The following NAA60 variants were observed in gnomAD, a reference collection of about 807,000 sequenced individuals.
NAA60 encodes the protein N-alpha-acetyltransferase 60, NatF catalytic subunit.
NAA60 carries 8 observed loss-of-function variants against 26.1 expected under a neutral mutation model. That is an observed-to-expected ratio of 0.31 (90% confidence interval 0.18 to 0.55). NAA60 has a LOEUF of 0.55. NAA60 is among the 20% of genes least tolerant of loss of function. The probability of loss-of-function intolerance (pLI) is 0.93; values close to 1 mark genes in which losing one functional copy is unlikely to be tolerated. For missense variants in NAA60, 290 were observed against 311.3 expected, an observed-to-expected ratio of 0.93 and a Z score of 0.51; for synonymous variants, 131 against 122.5, an observed-to-expected ratio of 1.07 and a Z score of -0.46.
chr16:3,453,862 C>A (rs2034878039), intron 2 of NAA60, among the ~76,000 whole-genome samples: 1 of 152,122 alleles, frequency 6.6e-6, no homozygotes, highest in African/African-American at 2.4e-5. Context: ...TCCCTGCTCT[C>A]CTCCCACCCC....
chr16:3,458,629 T>C (rs1046635237), intron 2 of NAA60, among the ~76,000 whole-genome samples: 1 of 152,152 alleles, frequency 6.6e-6, no homozygotes, highest in African/African-American at 2.4e-5. Flanking sequence ...AGGGCCTGTT[T>C]TGGTACTTGT....
Position 3,483,540 on chromosome 16 carries a change from A to G in NAA60, c.515A>G (p.Lys172Arg), listed in dbSNP as rs747241269. ...PYYYSIRGVL[K>R]DGFTYVLYIN... is the part of the protein sequence containing the mutation. ...TACTACTCCATTCGAGGGGTCCTCA[A>G]AGATGGCTTCACCTATGTCCTCTAC... Residue 172 changes from lysine (K) to arginine (R), a missense_variant, in exon 6 of 8, where the codon AAA becomes AGA. Physicochemically the swap from Lys to Arg is conservative, Grantham distance 26 (BLOSUM62 2). Coordinates refer to ENST00000407558, the MANE Select transcript of NAA60 (RefSeq NM_001083601.3). The G allele has an allele frequency of 1.1e-5, 17 of 1,613,466 alleles. No homozygotes were observed. The Admixed American group carries it at 2.2e-4, about 21-fold the overall frequency.
chr16:3,481,362 G>T (rs879661788), intron 4 of NAA60, among the ~76,000 whole-genome samples: 6 of 152,184 alleles, frequency 3.9e-5, no homozygotes, highest in African/African-American at 7.2e-5. Context: ...TAGGATTACA[G>T]GTGTGAGCCA....
chr16:3,478,393 G>A (rs1338308194), intron 3 of NAA60, among the ~76,000 whole-genome samples: 1 of 152,204 alleles, frequency 6.6e-6, no homozygotes, highest in Non-Finnish European at 1.5e-5. Flanking sequence ...GGCCATGTGA[G>A]CCACCCAGCC....
chr16:3,482,166 G>A (rs372235574), intron 4 of NAA60, among the ~76,000 whole-genome samples: 21 of 152,204 alleles, frequency 1.4e-4, no homozygotes, highest in East Asian at 9.6e-4. Context: ...TGAGGCCCGC[G>A]TGGTGCTGTG....
chr16:3,446,373 T>C (rs950657042), intron 1 of NAA60, among the ~76,000 whole-genome samples: 1 of 151,404 alleles, frequency 6.6e-6, no homozygotes, highest in Non-Finnish European at 1.5e-5. Context: ...ATACTAAAAA[T>C]ACAAAAAATT....
At chr16:3,453,557 C>T (rs1417773937) in intron 2 of NAA60, among the ~76,000 whole-genome samples, 2 of 152,028 alleles carry the variant, frequency 1.3e-5, no homozygotes, top group Admixed American at 6.6e-5. Flanking sequence ...TACAGGCACG[C>T]ACCACCACGC....
At chr16:3,484,642 CTG>C (rs1247880914) in intron 6 of NAA60, 55 bp from the exon 7 acceptor site, 11 of 1,547,896 alleles carry the variant, frequency 7.1e-6, no homozygotes, top group Middle Eastern at 1.7e-4. Flanking sequence ...CCCCTGATGA[CTG>C]TGCCCTGGCG....
rs760464157 is a variant in NAA60, at chr16:3,485,062, G to C, written c.*206+1G>C. The C allele has an allele frequency of 4.8e-5, 69 of 1,448,324 alleles. No homozygotes were observed. The highest frequency in any genetic ancestry group is 6.3e-5 in the Non-Finnish European group (67 of 1,069,484). The allele number at this position is 1,448,324 out of a possible 1,614,324, so 89.7% of individuals were successfully genotyped here. A position where few individuals can be genotyped will look rare whatever the true frequency, so the allele number is the denominator to read the frequency against. On this transcript the variant is annotated splice_donor_variant, in intron 7 of 7. Coordinates refer to ENST00000407558, the MANE Select transcript of NAA60 (RefSeq NM_001083601.3). LOFTEE classifies it low-confidence loss of function (3UTR_SPLICE). ...CGCAGAGCATGCCCATCCGTGGCAG[G>C]TACGCCACAGCAGACACAAAGGTAT...
Position 3,482,462 on chromosome 16 carries a change from A to G in NAA60, c.241-40A>G, listed in dbSNP as rs756438869. The stretch of plus-strand genomic sequence containing the variant: ...CGGGCTGTGCAGTGAGCCGTGCACC[A>G]GACGTGTGAGCCTGACTTTCTCTCT... On this transcript the variant is annotated intron_variant, in intron 4 of 7. Transcript: ENST00000407558. 6.6e-6 allele frequency: 10 copies of G among 1,506,400 alleles called. No homozygotes were observed. In the Admixed American group the frequency reaches 1.9e-4, roughly 29 times the overall value. 93.3% of individuals were successfully genotyped at this position (1,506,400 alleles called of 1,614,324 possible).
intron 2 of NAA60, among the ~76,000 whole-genome samples, chr16:3,453,833 G>A (rs539281385): frequency 6.6e-6 from 1 of 152,108 alleles, no homozygotes; most frequent in Non-Finnish European, 1.5e-5. Flanking sequence ...AGGTTTCAGT[G>A]GGGAAACCTG....
At chr16:3,465,738 T>A (rs2035716780) in intron 2 of NAA60, among the ~76,000 whole-genome samples, 1 of 152,158 alleles carries the variant, frequency 6.6e-6, no homozygotes, top group Non-Finnish European at 1.5e-5. Context: ...GTGAGATTCC[T>A]CTAGCAAAAG....
intron 2 of NAA60, among the ~76,000 whole-genome samples, chr16:3,454,447 C>G (rs758224524): frequency 6.6e-6 from 1 of 152,072 alleles, no homozygotes; most frequent in Non-Finnish European, 1.5e-5. Context: ...CAGACAGACT[C>G]TCATAAATAA....
intron 4 of NAA60, among the ~76,000 whole-genome samples, chr16:3,480,804 G>T (rs1475087635): frequency 2.6e-5 from 4 of 152,130 alleles, no homozygotes; most frequent in Admixed American, 2.0e-4. Flanking sequence ...TACTCAGGAG[G>T]CTGAGGCACA....
chr16:3,451,374 C>T (rs2034776106), intron 2 of NAA60, among the ~76,000 whole-genome samples: 1 of 152,154 alleles, frequency 6.6e-6, no homozygotes, highest in Non-Finnish European at 1.5e-5. Flanking sequence ...ACTTATTTTT[C>T]ACCAATGTAT....
intron 2 of NAA60, among the ~76,000 whole-genome samples, chr16:3,471,167 G>A (rs1053451009): frequency 3.3e-5 from 5 of 152,082 alleles, no homozygotes; most frequent in East Asian, 1.9e-4. Flanking sequence ...TCTGTCTTTG[G>A]TACCAAGCCA....
intron 2 of NAA60, chr16:3,472,144 T>G (rs764183490): frequency 1.3e-5 from 2 of 152,290 alleles, no homozygotes; most frequent in African/African-American, 4.8e-5. Flanking sequence ...CTGAGTAGTA[T>G]GCACCCACTG....
rs2037063828 is a variant in NAA60 at position 3,484,720 on chromosome 16, C to T, written c.594C>T (p.Gly198=). The stretch of plus-strand genomic sequence containing the variant: ...CCACGGACTACATCCAGCACCTGGG[C>T]TCTGCACTAGCCAGCCTGAGCCCCT... ...WTILDYIQHL[G]SALASLSPCS... Residue 198 remains glycine, a synonymous_variant, in exon 7 of 8, where the codon GGC becomes GGT. Transcript: ENST00000407558. 3.8e-6 allele frequency: 6 copies of T among 1,594,870 alleles called. No homozygotes were observed. The highest frequency in any genetic ancestry group is 5.1e-6 in the Non-Finnish European group (6 of 1,171,782).
At chr16:3,457,718 G>T (rs1467234791) in intron 2 of NAA60, among the ~76,000 whole-genome samples, 1 of 152,214 alleles carries the variant, frequency 6.6e-6, no homozygotes, top group Non-Finnish European at 1.5e-5. Flanking sequence ...GTGCGGGGGG[G>T]CCACTCGGTA....
Sources: gnomAD v4.1 joint callset for allele counts (sites outside exome capture counted in the v4.1 genomes callset) on GRCh38, gnomAD v4.1.1 for gene constraint, MANE v1.5 for transcripts, NCBI Gene and HGNC (gene_info 2026-07-23, HGNC 2026-07-21) for gene names.